CD40: variants seen among roughly 807,000 people sequenced by gnomAD.
CD40 encodes the protein tumor necrosis factor receptor superfamily member 5.
In CD40, 19 loss-of-function variants were observed where a neutral mutation model predicts 38.5. The ratio of observed to expected loss-of-function variants is 0.49; its 90% confidence interval spans 0.34 to 0.72. CD40 has a LOEUF of 0.72. CD40 is among the 30% of genes least tolerant of loss of function. The pLI is 0.01. For missense variants in CD40, 256 were observed against 344.1 expected (o/e 0.74, Z 2.03); for synonymous variants, 130 against 128.7 (o/e 1.01, Z -0.07).
chr20:46,125,267 C>T (rs937312788), intron 5 of CD40, among the ~76,000 whole-genome samples: 16 of 150,904 alleles, frequency 1.1e-4, no homozygotes, highest in Non-Finnish European at 1.6e-4. Flanking sequence ...TAAAGTAGGC[C>T]GGGCGTGGTG....
At chr20:46,119,659 T>C (rs1322939652) in intron 1 of CD40, among the ~76,000 whole-genome samples, 2 of 152,214 alleles carry the variant, frequency 1.3e-5, no homozygotes, top group African/African-American at 2.4e-5. Flanking sequence ...TGTCAGGCTC[T>C]GAGCCAAACA....
At position 46,129,646 on chromosome 20, in the gene CD40, T is replaced by C. The variant is rs2085517862; in HGVS notation, c.*606T>C. On this transcript the variant is annotated 3_prime_UTR_variant, in exon 9 of 9. Coordinates refer to ENST00000372285, the MANE Select transcript of CD40 (RefSeq NM_001250.6). ...TATGGATATATGTATAAATACAATA[T>C]GCATCATATATTGATATAACAAGGG... The C allele has an allele frequency of 2.5e-5, 4 of 157,474 alleles. No individual in the cohort carries two copies. In the East Asian group the frequency reaches 5.5e-4, roughly 22 times the overall value. The allele number at this position is 157,474 out of a possible 1,614,324, so 9.8% of individuals were successfully genotyped here. A position where few individuals can be genotyped will look rare whatever the true frequency, so the allele number is the denominator to read the frequency against.
chr20:46,127,978 G>GAC, intron 6 of CD40, 160 bp from the exon 7 acceptor site: 4 of 1,409,954 alleles, frequency 2.8e-6, no homozygotes, highest in Non-Finnish European at 3.9e-6. Context: ...CTCCTTTAAA[G>GAC]ACATCTGCCA....
Position 46,122,939 on chromosome 20 carries a change from G to T in CD40, c.403+183G>T, listed in dbSNP as rs1446287111. On this transcript the variant is annotated intron_variant, in intron 4 of 8. Coordinates refer to ENST00000372285, the MANE Select transcript of CD40 (RefSeq NM_001250.6). This position sits in a 1 kb window ranked among gnomAD's most constrained non-coding sequence, Gnocchi z 5.0. ...TTGTTCATTCTGCCTTCTGCCATGG[G>T]GATCTGCCTTTGAAGGGCAATGGGA... 2 of 923,740 alleles carry T rather than the reference G, an allele frequency of 2.2e-6. No individual in the cohort carries two copies. The highest frequency in any genetic ancestry group is 5.2e-5 in the East Asian group (2 of 38,214). 57.2% of individuals were successfully genotyped at this position (923,740 alleles called of 1,614,324 possible).
intron 1 of CD40, 98 bp from the exon 2 acceptor site, chr20:46,121,722 A>G (rs2085321078): frequency 2.2e-6 from 2 of 900,670 alleles, no homozygotes; most frequent in Non-Finnish European, 3.8e-6. Flanking sequence ...CTTGCACTTC[A>G]GTTTGCAGCC....
chr20:46,122,551 TGAGGCTCA>T lies in CD40; in HGVS notation c.257-55_257-48del. On this transcript the variant is annotated intron_variant, in intron 3 of 8. Coordinates refer to ENST00000372285, the MANE Select transcript of CD40 (RefSeq NM_001250.6). This position sits in a 1 kb window ranked among gnomAD's most constrained non-coding sequence, Gnocchi z 5.0. ...AAGAAAGAGCAGGCAATGTGGGGAG[TGAGGCTCA>T]GAGCATGGCCCAGCAGGGGGTTCCC... 6.2e-7 allele frequency: 1 copy of T among 1,610,392 alleles called. No individual in the cohort carries two copies. Among genetic ancestry groups the T allele is most frequent in the African/African-American group, 1.3e-5 (1 of 74,856 alleles).
chr20:46,124,136 A>G, intron 5 of CD40, among the ~76,000 whole-genome samples: 1 of 152,104 alleles, frequency 6.6e-6, no homozygotes. Context: ...CATCTCTACT[A>G]AAAATACCAA....
At chr20:46,126,851 C>G in intron 6 of CD40, 150 bp downstream of exon 6, 1 of 1,313,708 alleles carries the variant, frequency 7.6e-7, no homozygotes, top group South Asian at 1.3e-5. Flanking sequence ...TCTTGGGAGT[C>G]TGGGCAAATC....
At position 46,127,707 on chromosome 20, in the gene CD40, T is replaced by C. The variant is rs145942694; in HGVS notation, c.560-431T>C. Among the ~76,000 whole-genome samples, 255 of 152,322 alleles carry C rather than the reference T, an allele frequency of 1.7e-3. 1 individual carries two copies. The highest frequency in any genetic ancestry group is 5.9e-3 in the African/African-American group (246 of 41,572). ...ACTTTACCTTTCCCCTCCACTCTTC[T>C]ATACCAAAAGCAACATGCAGACATG... is the stretch of plus-strand genomic sequence containing the variant. On this transcript the variant is annotated intron_variant, in intron 6 of 8. Transcript: ENST00000372285.
At chr20:46,124,751 G>GTTTT (rs780015926) in intron 5 of CD40, among the ~76,000 whole-genome samples, 1,711 of 73,872 alleles carry the variant, frequency 0.023, 373 homozygotes, top group East Asian at 0.061. Context: ...CACTGGTATA[G>GTTTT]TTTTTTTTTT....
Position 46,118,355 on chromosome 20 carries a change from G to T in CD40, c.12G>T (p.Leu4=), listed in dbSNP as rs2085251787. The change falls in exon 1 of 9, where the codon CTG becomes CTT. Residue 4 remains leucine, a synonymous_variant. Coordinates refer to ENST00000372285, the MANE Select transcript of CD40 (RefSeq NM_001250.6). The part of the protein sequence containing the change: MVR[L]PLQCVLWGCL... ...GGTCTCACCTCGCTATGGTTCGTCT[G>T]CCTCTGCAGTGCGTCCTCTGGGGCT... 1 of 1,614,068 alleles carries T rather than the reference G, an allele frequency of 6.2e-7. No individual in the cohort carries two copies. The highest frequency in any genetic ancestry group is 1.1e-5 in the South Asian group (1 of 91,082).
At chr20:46,127,863 A>C (rs1230032840) in intron 6 of CD40, 4 of 524,370 alleles carry the variant, frequency 7.6e-6, no homozygotes, top group Non-Finnish European at 1.3e-5. Flanking sequence ...ACTGGAACCC[A>C]GTCTTCCCAG....
At chr20:46,124,007 A>T (rs1033466477) in intron 5 of CD40, among the ~76,000 whole-genome samples, 1 of 152,134 alleles carries the variant, frequency 6.6e-6, no homozygotes, top group African/African-American at 2.4e-5. Context: ...TACCTTAAAC[A>T]TGGGCCCCAG....
rs745307 is a variant in CD40, at chr20:46,118,447, G to A, written c.51+53G>A. The A allele has an allele frequency of 0.25, 365,191 of 1,443,336 alleles. 46,725 individuals are homozygous for A. Among genetic ancestry groups the A allele is most frequent in the Non-Finnish European group, 0.28 (300,511 of 1,065,464 alleles). 89.4% of individuals were successfully genotyped at this position (1,443,336 alleles called of 1,614,324 possible). A position where few individuals can be genotyped will look rare whatever the true frequency, so the allele number is the denominator to read the frequency against. On this transcript the variant is annotated intron_variant, in intron 1 of 8. Coordinates refer to ENST00000372285, the MANE Select transcript of CD40 (RefSeq NM_001250.6). ...GGAGTTGGGAGTGGGGAATGAGAAGGAAAGGGAAGGAAGACTTCGGGGAAG... is the reference window on the plus strand; with the variant it reads ...GGAGTTGGGAGTGGGGAATGAGAAGAAAAGGGAAGGAAGACTTCGGGGAAG...
chr20:46,123,092 G>T, intron 4 of CD40, 34 bp from the exon 5 acceptor site: 1 of 1,506,080 alleles, frequency 6.6e-7, no homozygotes, highest in Non-Finnish European at 9.2e-7. Context: ...GGTCCACTGT[G>T]ATGGTTAATG....
At chr20:46,126,184 C>T (rs2085431867) in intron 5 of CD40, among the ~76,000 whole-genome samples, 1 of 152,230 alleles carries the variant, frequency 6.6e-6, no homozygotes, top group South Asian at 2.1e-4. Context: ...TGCTGAACAT[C>T]TGCAATGCAT....
chr20:46,121,591 G>A, intron 1 of CD40: 1 of 585,544 alleles, frequency 1.7e-6, no homozygotes, highest in Admixed American at 2.4e-5. Flanking sequence ...TGAGTTTACA[G>A]TACCATTGCT....
At chr20:46,120,411 A>G (rs1483705366) in intron 1 of CD40, among the ~76,000 whole-genome samples, 3 of 152,110 alleles carry the variant, frequency 2.0e-5, no homozygotes, top group Non-Finnish European at 2.9e-5. Context: ...AAGCTGTCTG[A>G]CTCTCAAACT....
rs972180690 is a variant in CD40 at position 46,122,960 on chromosome 20, T to C, written c.404-166T>C. On this transcript the variant is annotated intron_variant, in intron 4 of 8. Coordinates refer to ENST00000372285, the MANE Select transcript of CD40 (RefSeq NM_001250.6). This position sits in a 1 kb window ranked among gnomAD's most constrained non-coding sequence, Gnocchi z 5.0. ...ATGGGGATCTGCCTTTGAAGGGCAATGGGAGAAGTCCTCCTGGGGACTGCA... is the reference window on the plus strand; with the variant it reads ...ATGGGGATCTGCCTTTGAAGGGCAACGGGAGAAGTCCTCCTGGGGACTGCA... Among the ~76,000 whole-genome samples, 2 of 152,166 alleles carry C rather than the reference T, an allele frequency of 1.3e-5. No individual in the cohort carries two copies. The highest frequency in any genetic ancestry group is 2.4e-5 in the African/African-American group (1 of 41,434).
Sources: gnomAD v4.1 joint callset for allele counts (sites outside exome capture counted in the v4.1 genomes callset) on GRCh38, gnomAD v4.1.1 for gene constraint, Gnocchi (gnomAD v3.1) non-coding constraint, MANE v1.5 for transcripts, NCBI Gene and HGNC (gene_info 2026-07-23, HGNC 2026-07-21) for gene names.